SMYD5: variants seen among roughly 807,000 people sequenced by gnomAD.
SMYD5 encodes the protein protein-lysine N-trimethyltransferase SMYD5.
SMYD5 carries 35 observed loss-of-function variants against 57.4 expected under a neutral mutation model. That is an observed-to-expected ratio of 0.61 (90% CI 0.47 to 0.81). The LOEUF is 0.81. Among genes scored for constraint, SMYD5 ranks in the 30% least tolerant of loss-of-function variants. The pLI is 0.00. For missense variants in SMYD5, 471 were observed against 527.9 expected, an observed-to-expected ratio of 0.89 and a Z score of 1.06; for synonymous variants, 198 against 189.7, an observed-to-expected ratio of 1.04 and a Z score of -0.36.
chr2:73,226,041 A>G lies in SMYD5; in HGVS notation c.*95A>G. On this transcript the variant is annotated 3_prime_UTR_variant, in exon 13 of 13. Transcript: ENST00000389501. ...GGCTTGGAGGGAACTTCCCACTCCC[A>G]TTGCCTGCTTTCCCCATTCCAGCCC... is the stretch of plus-strand genomic sequence containing the variant. 1 of 1,456,384 alleles carries G rather than the reference A, an allele frequency of 6.9e-7. No individual in the cohort carries two copies. The highest frequency in any genetic ancestry group is 2.4e-5 in the Admixed American group (1 of 41,164). The allele number at this position is 1,456,384 out of a possible 1,614,324, so 90.2% of individuals were successfully genotyped here.
At chr2:73,225,164 C>A in intron 11 of SMYD5, 1 of 554,002 alleles carries the variant, frequency 1.8e-6, no homozygotes, top group Non-Finnish European at 3.2e-6. Context: ...CAGAAAGCCT[C>A]AGGACAGTGT....
At chr2:73,218,079 G>C (rs1376031625) in intron 1 of SMYD5, among the ~76,000 whole-genome samples, 1 of 152,194 alleles carries the variant, frequency 6.6e-6, no homozygotes, top group African/African-American at 2.4e-5. Flanking sequence ...AGAGTCCTAG[G>C]TGATGCCCAT....
At chr2:73,225,420 T>C in intron 11 of SMYD5, 1 of 643,596 alleles carries the variant, frequency 1.6e-6, no homozygotes, top group South Asian at 1.9e-5. Flanking sequence ...CAGTCTCCTC[T>C]GTCTCAGGCA....
chr2:73,222,474 A>ATGG (rs983497803), intron 6 of SMYD5, among the ~76,000 whole-genome samples: 7 of 152,116 alleles, frequency 4.6e-5, no homozygotes, highest in Admixed American at 1.3e-4. Context: ...GGGAGATTTG[A>ATGG]TGGTGGTGGT....
Position 73,226,178 on chromosome 2 carries a change from T to C in SMYD5, c.*232T>C. On this transcript the variant is annotated 3_prime_UTR_variant, in exon 13 of 13. Transcript: ENST00000389501. ...TCAGACTCTGCACTGGCACTGAGCC[T>C]TTCACAACTGGCCTCCCCTTGAGGT... 3.5e-6 allele frequency: 2 copies of C among 572,808 alleles called. No individual in the cohort carries two copies. The highest frequency in any genetic ancestry group is 6.1e-6 in the Non-Finnish European group (2 of 330,504). 35.5% of individuals were successfully genotyped at this position (572,808 alleles called of 1,614,324 possible).
intron 6 of SMYD5, among the ~76,000 whole-genome samples, chr2:73,222,156 C>T (rs1686409001): frequency 6.6e-6 from 1 of 152,216 alleles, no homozygotes. Flanking sequence ...AAGGGCATGT[C>T]AGATGCCTTG....
intron 6 of SMYD5, 118 bp downstream of exon 6, chr2:73,222,048 T>C: frequency 1.5e-6 from 1 of 680,888 alleles, no homozygotes; most frequent in South Asian, 1.7e-5. Context: ...AGTTAGAACT[T>C]GGGTCCAGAA....
chr2:73,214,836 G>GT (rs1686263942), intron 1 of SMYD5: 1 of 1,297,698 alleles, frequency 7.7e-7, no homozygotes, highest in Admixed American at 2.3e-5. Context: ...AGGCCGTGGG[G>GT]GCATTGGGAG....
chr2:73,221,107 C>T (rs1686383806), intron 4 of SMYD5, 58 bp from the exon 5 acceptor site: 1 of 1,486,278 alleles, frequency 6.7e-7, no homozygotes, highest in South Asian at 1.1e-5. Context: ...ACTCGGCTTC[C>T]CTGAGCTCAG....
chr2:73,218,199 A>T (rs1372823227), intron 1 of SMYD5, among the ~76,000 whole-genome samples: 1 of 152,202 alleles, frequency 6.6e-6, no homozygotes, highest in East Asian at 1.9e-4. Context: ...GTATTATTAT[A>T]ATGCTCACTT....
chr2:73,217,725 A>G (rs1686316283), intron 1 of SMYD5, among the ~76,000 whole-genome samples: 1 of 152,200 alleles, frequency 6.6e-6, no homozygotes, highest in Non-Finnish European at 1.5e-5. Context: ...GGCAACACTG[A>G]CAGGTCATTT....
In SMYD5 at chr2:73,224,858, T is replaced by G; in HGVS notation, c.941-8T>G. ...AATAATCCTCATTACCTGCCTCTTA[T>G]GATCCAGGCAACCACAGTTGTGTGC... On this transcript the variant is annotated splice_polypyrimidine_tract_variant and splice_region_variant and intron_variant, in intron 10 of 12. Transcript: ENST00000389501. The G allele has an allele frequency of 2.5e-6, 4 of 1,604,722 alleles. No homozygotes were observed. Among genetic ancestry groups the G allele is most frequent in the Non-Finnish European group, 2.6e-6 (3 of 1,172,970 alleles).
At chr2:73,219,163 G>C (rs78608626) in intron 2 of SMYD5, among the ~76,000 whole-genome samples, 194 bp downstream of exon 2, 8,011 of 152,118 alleles carry the variant, frequency 0.053, 244 homozygotes, top group Non-Finnish European at 0.065. Flanking sequence ...TGTGGTGGGA[G>C]GCTCTTCAGA....
At chr2:73,224,765 T>C (rs1044503035) in intron 10 of SMYD5, 101 bp from the exon 11 acceptor site, 1 of 914,950 alleles carries the variant, frequency 1.1e-6, no homozygotes, top group African/African-American at 1.7e-5. Context: ...TGCTCAGCCT[T>C]GGCAGGGATG....
At chr2:73,220,253 T>G in intron 3 of SMYD5, 63 bp downstream of exon 3, 1 of 1,576,852 alleles carries the variant, frequency 6.3e-7, no homozygotes, top group East Asian at 2.2e-5. Flanking sequence ...GCTGGAGTCC[T>G]CAGTGGGGAG....
chr2:73,222,701 T>C, intron 6 of SMYD5, 54 bp from the exon 7 acceptor site: 1 of 1,499,402 alleles, frequency 6.7e-7, no homozygotes, highest in Non-Finnish European at 9.2e-7. Flanking sequence ...CCTGCCTGGG[T>C]GCTAATGGGA....
At position 73,223,516 on chromosome 2, in the gene SMYD5, C is replaced by A; in HGVS notation, c.867C>A (p.Tyr289Ter). The change falls in exon 9 of 13, where the codon TAC (tyrosine) becomes TAA (stop). Residue 289 changes from tyrosine (Y) to a stop codon, truncating the protein, a stop_gained. Transcript: ENST00000389501. LOFTEE classifies it high-confidence loss of function. The stretch of plus-strand genomic sequence containing the variant: ...TTGACGCCTTCATTGACCAGCTATA[C>A]AAGGACATCGAGGCAGGTTGGTGAG... ...EQLDAFIDQL[Y>*]KDIEAATGEF... 2.5e-6 allele frequency: 4 copies of A among 1,613,348 alleles called. No individual in the cohort carries two copies. Among genetic ancestry groups the A allele is most frequent in the Non-Finnish European group, 3.4e-6 (4 of 1,179,278 alleles).
intron 1 of SMYD5, chr2:73,214,951 T>A (rs983567925): frequency 4.2e-6 from 2 of 476,380 alleles, no homozygotes; most frequent in Non-Finnish European, 5.5e-6. Flanking sequence ...AATACAAAAA[T>A]CACCCATACT....
At chr2:73,222,677 C>T (rs1201440997) in intron 6 of SMYD5, 78 bp from the exon 7 acceptor site, 11 of 1,253,428 alleles carry the variant, frequency 8.8e-6, no homozygotes, top group Non-Finnish European at 1.1e-5. Context: ...CTTCCCTCCC[C>T]TAGTCGCCTG....
Sources: allele counts gnomAD v4.1 joint callset (sites outside exome capture counted in the v4.1 genomes callset), GRCh38; gene constraint gnomAD v4.1.1; transcripts MANE v1.5; gene names NCBI Gene and HGNC (gene_info 2026-07-23, HGNC 2026-07-21).